The following AFG2A variants were observed in gnomAD, a reference collection of about 807,000 sequenced individuals.
AFG2A encodes AAA ATPase AFG2A.
the AFG2A span, among the ~76,000 whole-genome samples, chr4:123,219,063 G>A: frequency 6.6e-6 from 1 of 152,204 alleles, no homozygotes; most frequent in Non-Finnish European, 1.5e-5. Context: ...CTATCTACAA[G>A]CTGGGGGAAG....
chr4:123,116,394 G>C, the AFG2A span, among the ~76,000 whole-genome samples: 1 of 152,138 alleles, frequency 6.6e-6, no homozygotes, highest in Admixed American at 6.5e-5. Context: ...CTAGTAATGA[G>C]AATTTTACAC....
chr4:122,933,437 A>G, the AFG2A span: 1 of 1,611,664 alleles, frequency 6.2e-7, no homozygotes. Flanking sequence ...ATCCTTTTAC[A>G]GTGACAAAGA....
the AFG2A span, among the ~76,000 whole-genome samples, chr4:123,056,004 G>T: frequency 6.6e-6 from 1 of 152,222 alleles, no homozygotes; most frequent in African/African-American, 2.4e-5. Context: ...CAAAAAATGT[G>T]CATCTTCAGA....
chr4:123,313,369 A>G, the AFG2A span, among the ~76,000 whole-genome samples: 2 of 152,256 alleles, frequency 1.3e-5, no homozygotes, highest in Non-Finnish European at 2.9e-5. Context: ...AGATACACAT[A>G]AAGAAATGCT....
the AFG2A span, among the ~76,000 whole-genome samples, chr4:123,143,410 A>G: frequency 6.6e-6 from 1 of 152,052 alleles, no homozygotes; most frequent in Non-Finnish European, 1.5e-5. Flanking sequence ...TCACAATTTG[A>G]TAATTAACGT....
chr4:122,990,144 A>G, the AFG2A span, among the ~76,000 whole-genome samples: 1 of 152,276 alleles, frequency 6.6e-6, no homozygotes, highest in Admixed American at 6.5e-5. Flanking sequence ...GGGATTACAG[A>G]TGTGAGCTAC....
chr4:123,177,003 G>A, the AFG2A span, among the ~76,000 whole-genome samples: 1 of 152,088 alleles, frequency 6.6e-6, no homozygotes, highest in South Asian at 2.1e-4. Flanking sequence ...AATATTTCTT[G>A]TGGGAACTTG....
chr4:123,093,199 T>C, the AFG2A span, among the ~76,000 whole-genome samples: 2 of 152,140 alleles, frequency 1.3e-5, no homozygotes, highest in Admixed American at 6.5e-5. Flanking sequence ...AGCAATCTTT[T>C]ATTGATTGGT....
chr4:123,224,476 T>C, the AFG2A span, among the ~76,000 whole-genome samples: 1 of 152,098 alleles, frequency 6.6e-6, no homozygotes, highest in African/African-American at 2.4e-5. Context: ...TTTTTTGTCC[T>C]TGCGATAGTT....
the AFG2A span, chr4:123,090,835 G>A: frequency 7.2e-6 from 9 of 1,257,848 alleles, no homozygotes; most frequent in African/African-American, 1.2e-4. Context: ...ATGTAAAGCA[G>A]GTTCACTGTG....
chr4:123,006,274 T>C, the AFG2A span, among the ~76,000 whole-genome samples: 1 of 152,150 alleles, frequency 6.6e-6, no homozygotes, highest in South Asian at 2.1e-4. Flanking sequence ...TTCTTCATTT[T>C]CTTTGTCTTG....
the AFG2A span, among the ~76,000 whole-genome samples, chr4:123,220,633 A>AC: frequency 0.022 from 3,212 of 147,736 alleles, 163 homozygotes; most frequent in African/African-American, 0.08. Context: ...AAAAAAAAAA[A>AC]AAAACCTGGA....
chr4:123,004,242 C>A, the AFG2A span, among the ~76,000 whole-genome samples: 1 of 152,226 alleles, frequency 6.6e-6, no homozygotes, highest in Admixed American at 6.5e-5. Context: ...AAGGGAACTC[C>A]CTGATCCCTT....
the AFG2A span, among the ~76,000 whole-genome samples, chr4:123,060,751 G>A: frequency 1.3e-5 from 2 of 152,168 alleles, no homozygotes; most frequent in Admixed American, 6.5e-5. Context: ...CTTGGCATTA[G>A]CATTTGGTTC....
chr4:123,088,286 C>T, the AFG2A span, among the ~76,000 whole-genome samples: 1 of 152,068 alleles, frequency 6.6e-6, no homozygotes, highest in African/African-American at 2.4e-5. Flanking sequence ...GACAGCCCAC[C>T]TTGACTCTCC....
chr4:122,951,531 C>G, the AFG2A span, among the ~76,000 whole-genome samples: 1 of 151,956 alleles, frequency 6.6e-6, no homozygotes, highest in Non-Finnish European at 1.5e-5. Context: ...ATATATCGTG[C>G]TGTGGAAATC....
At chr4:123,081,752 A>AC in the AFG2A span, among the ~76,000 whole-genome samples, 2 of 152,048 alleles carry the variant, frequency 1.3e-5, no homozygotes, top group African/African-American at 2.4e-5. Context: ...ACCATTTTTT[A>AC]CCCCATCAGC....
the AFG2A span, among the ~76,000 whole-genome samples, chr4:122,930,851 T>G: frequency 6.6e-6 from 1 of 152,170 alleles, no homozygotes; most frequent in Admixed American, 6.5e-5. Context: ...AGGTGAGTAA[T>G]GATTGCTTAT....
chr4:123,217,221 T>C, the AFG2A span, among the ~76,000 whole-genome samples: 3 of 152,176 alleles, frequency 2.0e-5, no homozygotes, highest in African/African-American at 7.2e-5. Flanking sequence ...TGAGCCCCTG[T>C]TGGCTCCATT....
Sources: allele counts gnomAD v4.1 joint callset (sites outside exome capture counted in the v4.1 genomes callset), GRCh38; gene constraint gnomAD v4.1.1; transcripts MANE v1.5; gene names NCBI Gene and HGNC (gene_info 2026-07-23, HGNC 2026-07-21).